The following PPP1CB variants were observed in gnomAD, a reference collection of about 807,000 sequenced individuals.
The protein encoded by PPP1CB is protein phosphatase 1 catalytic subunit beta.
In PPP1CB, 2 loss-of-function variants were observed where a neutral mutation model predicts 43.7. That is an observed-to-expected ratio of 0.05 (90% CI 0.02 to 0.14). The LOEUF (loss-of-function observed/expected upper bound fraction) is 0.14, where lower values mean the gene tolerates loss of function less well. Among genes scored for constraint, PPP1CB ranks in the 10% least tolerant of loss-of-function variants. The pLI is 1.00. For synonymous variants in PPP1CB, 136 were observed against 135.6 expected, an observed-to-expected ratio of 1.00 and a Z score of -0.02; for missense variants, 84 against 398.0, an observed-to-expected ratio of 0.21 and a Z score of 6.71.
chr2:28,760,618 T>C (rs1414445411), intron 1 of PPP1CB, among the ~76,000 whole-genome samples: 2 of 152,216 alleles, frequency 1.3e-5, no homozygotes, highest in Non-Finnish European at 1.5e-5. Flanking sequence ...ACTGGACTTG[T>C]CTGACACCAT....
At chr2:28,783,175 G>A (rs1013269021) in intron 4 of PPP1CB, among the ~76,000 whole-genome samples, 2 of 152,198 alleles carry the variant, frequency 1.3e-5, no homozygotes, top group African/African-American at 4.8e-5. Flanking sequence ...GGAGTGGGAT[G>A]TGAAAAGAAG....
At chr2:28,774,182 CACT>C (rs1344758447) in intron 1 of PPP1CB, among the ~76,000 whole-genome samples, 3 of 152,106 alleles carry the variant, frequency 2.0e-5, no homozygotes, top group Admixed American at 6.5e-5. Context: ...AAATATTCAC[CACT>C]GTCATTTGAA....
At chr2:28,768,883 A>G (rs1036215185) in intron 1 of PPP1CB, among the ~76,000 whole-genome samples, 48 of 152,292 alleles carry the variant, frequency 3.2e-4, no homozygotes, top group African/African-American at 1.2e-3. Flanking sequence ...TATTGCTGAT[A>G]GACAGTGGAA....
intron 1 of PPP1CB, among the ~76,000 whole-genome samples, chr2:28,756,216 C>T (rs1288929293): frequency 6.6e-6 from 1 of 152,164 alleles, no homozygotes; most frequent in Admixed American, 6.5e-5. Context: ...CATATTACCA[C>T]GAAGCTGAAC....
chr2:28,763,250 A>G (rs111558156), intron 1 of PPP1CB, among the ~76,000 whole-genome samples: 4 of 152,348 alleles, frequency 2.6e-5, no homozygotes, highest in African/African-American at 9.6e-5. Context: ...GAAGTTTAAT[A>G]AAATTGATCA....
At chr2:28,779,165 G>A in intron 3 of PPP1CB, 126 bp downstream of exon 3, 1 of 646,602 alleles carries the variant, frequency 1.5e-6, no homozygotes, top group Non-Finnish European at 2.6e-6. Flanking sequence ...AGGCCAGGAA[G>A]AGGAACCTGA....
intron 2 of PPP1CB, among the ~76,000 whole-genome samples, chr2:28,777,546 T>A (rs1170784126): frequency 6.6e-6 from 1 of 152,234 alleles, no homozygotes; most frequent in African/African-American, 2.4e-5. Context: ...TTATACTACT[T>A]TATACCTTGT....
At position 28,766,639 on chromosome 2, in the gene PPP1CB, A is replaced by AGTT. The variant is rs1489474522; in HGVS notation, c.53-10212_53-10211insGTT. Among the ~76,000 whole-genome samples, 7 of 152,320 alleles carry AGTT rather than the reference A, an allele frequency of 4.6e-5. No individual in the cohort carries two copies. In the East Asian group the frequency reaches 1.3e-3, roughly 29 times the overall value. ...ACTTCGAATGAGGATTGGCTCCCCA[A>AGTT]ATAACAAGTATTGGTAATACCTGTC... On this transcript the variant is annotated intron_variant, in intron 1 of 7. Coordinates refer to ENST00000395366, the MANE Select transcript of PPP1CB (RefSeq NM_002709.3).
intron 1 of PPP1CB, among the ~76,000 whole-genome samples, chr2:28,775,519 A>G (rs1050277193): frequency 2.0e-5 from 3 of 151,984 alleles, no homozygotes; most frequent in Admixed American, 6.6e-5. Flanking sequence ...GCAATTCTCT[A>G]CTATGCTAGG....
At chr2:28,797,167 G>A (rs187547248) in intron 7 of PPP1CB, among the ~76,000 whole-genome samples, 6 of 152,058 alleles carry the variant, frequency 3.9e-5, no homozygotes, top group African/African-American at 1.2e-4. Flanking sequence ...TGCTGGATTC[G>A]GTTTTAGTAT....
chr2:28,776,595 C>T (rs1245147603), intron 1 of PPP1CB, among the ~76,000 whole-genome samples: 1 of 152,086 alleles, frequency 6.6e-6, no homozygotes, highest in Admixed American at 6.6e-5. Context: ...TACTAGGCCC[C>T]AGGTTGGTCA....
chr2:28,778,031 G>A (rs1019920796), intron 2 of PPP1CB, among the ~76,000 whole-genome samples: 1 of 152,118 alleles, frequency 6.6e-6, no homozygotes, highest in African/African-American at 2.4e-5. Context: ...AGAATTTGGG[G>A]GAACTAATCA....
rs559645137 is a variant in PPP1CB, at chr2:28,775,944, T to C, written c.53-907T>C. Among the ~76,000 whole-genome samples, 11 of 152,300 alleles carry C rather than the reference T, an allele frequency of 7.2e-5. No individual in the cohort carries two copies. In the East Asian group the frequency reaches 2.1e-3, roughly 29 times the overall value. ...ATAGCCTTTAGAGGTTTTAATATAATGATCTATTGGGAATGTAACGATAAG... is the reference window on the plus strand; with the variant it reads ...ATAGCCTTTAGAGGTTTTAATATAACGATCTATTGGGAATGTAACGATAAG... On this transcript the variant is annotated intron_variant, in intron 1 of 7. Coordinates refer to ENST00000395366, the MANE Select transcript of PPP1CB (RefSeq NM_002709.3).
At chr2:28,761,102 A>G (rs1171511317) in intron 1 of PPP1CB, among the ~76,000 whole-genome samples, 1 of 152,114 alleles carries the variant, frequency 6.6e-6, no homozygotes. Context: ...ATGGGATTTC[A>G]CTAAATCTCG....
At chr2:28,763,518 A>G (rs1196210014) in intron 1 of PPP1CB, among the ~76,000 whole-genome samples, 1 of 150,732 alleles carries the variant, frequency 6.6e-6, no homozygotes, top group Non-Finnish European at 1.5e-5. Context: ...TTTCTTCTTC[A>G]CTCTTTTCTC....
At chr2:28,769,945 A>G (rs909319277) in intron 1 of PPP1CB, among the ~76,000 whole-genome samples, 5 of 152,168 alleles carry the variant, frequency 3.3e-5, no homozygotes, top group African/African-American at 9.7e-5. Context: ...CTTAAACTCA[A>G]CTTCGTCGAT....
chr2:28,778,763 T>A (rs1438008304), intron 2 of PPP1CB, 46 bp from the exon 3 acceptor site: 2 of 1,262,974 alleles, frequency 1.6e-6, no homozygotes, highest in Non-Finnish European at 2.3e-6. Context: ...AGAAGCTGCT[T>A]ATAACAGTAA....
chr2:28,794,141 A>G (rs1026254065), intron 7 of PPP1CB, 144 bp downstream of exon 7: 1 of 662,140 alleles, frequency 1.5e-6, no homozygotes, highest in Non-Finnish European at 2.4e-6. Context: ...CTCATTAGAT[A>G]TTTCTATTTT....
chr2:28,765,243 G>A (rs980987054), intron 1 of PPP1CB, among the ~76,000 whole-genome samples: 5 of 152,172 alleles, frequency 3.3e-5, no homozygotes, highest in African/African-American at 4.8e-5. Flanking sequence ...CAAAGTTAAT[G>A]TTCTCTGTCA....
Sources: gnomAD v4.1 joint callset for allele counts (sites outside exome capture counted in the v4.1 genomes callset) on GRCh38, gnomAD v4.1.1 for gene constraint, MANE v1.5 for transcripts, NCBI Gene and HGNC (gene_info 2026-07-23, HGNC 2026-07-21) for gene names.